Variants in CHLSN observed in about 807,000 individuals in gnomAD.
The protein encoded by CHLSN is protein cholesin.
chr7:997,571 T>TG, the CHLSN span: 5 of 1,402,674 alleles, frequency 3.6e-6, no homozygotes. Flanking sequence ...CTGCACCCTG[T>TG]GTGGTCTGAG....
the CHLSN span, among the ~76,000 whole-genome samples, chr7:1,057,300 C>A: frequency 6.6e-6 from 1 of 152,182 alleles, no homozygotes; most frequent in Non-Finnish European, 1.5e-5. Context: ...CCACAGCAGC[C>A]CCCGGTCACG....
At chr7:987,401 T>A in the CHLSN span, 1 of 1,595,100 alleles carries the variant, frequency 6.3e-7, no homozygotes, top group East Asian at 2.2e-5. Context: ...ACTCCCCGGC[T>A]GGAGGACCAG....
chr7:1,090,016 G>A, the CHLSN span, among the ~76,000 whole-genome samples: 55 of 151,796 alleles, frequency 3.6e-4, no homozygotes, highest in African/African-American at 1.3e-3. Context: ...CCCGGGAGGC[G>A]GCAGTTGCAG....
chr7:1,126,680 A>G, the CHLSN span, among the ~76,000 whole-genome samples: 1 of 152,154 alleles, frequency 6.6e-6, no homozygotes, highest in Admixed American at 6.6e-5. Context: ...GTGTCTCAAG[A>G]AAACGAAGAA....
the CHLSN span, chr7:986,447 C>A: frequency 1.5e-6 from 1 of 688,458 alleles, no homozygotes. Flanking sequence ...CAGGGGGTTT[C>A]CTGGCAGTTC....
the CHLSN span, among the ~76,000 whole-genome samples, chr7:1,136,389 CATATATATAAATATATATAAACAT>C: frequency 0.016 from 1,579 of 97,150 alleles, 139 homozygotes; most frequent in African/African-American, 0.054. Context: ...AATATATAAA[CATATATATAAATATATATAAACAT>C]ATATATAAAT....
At chr7:1,021,805 C>T in the CHLSN span, among the ~76,000 whole-genome samples, 4 of 152,244 alleles carry the variant, frequency 2.6e-5, no homozygotes, top group African/African-American at 9.6e-5. Context: ...ACCCGCCCAG[C>T]GAGAACTGTG....
the CHLSN span, among the ~76,000 whole-genome samples, chr7:1,087,601 T>C: frequency 6.6e-6 from 1 of 152,248 alleles, no homozygotes; most frequent in Non-Finnish European, 1.5e-5. Context: ...AGTGTCGGAC[T>C]GTGGGGCACT....
chr7:986,834 G>A, the CHLSN span: 1 of 1,476,590 alleles, frequency 6.8e-7, no homozygotes, highest in Non-Finnish European at 9.0e-7. Flanking sequence ...AAGGCCTGTA[G>A]GGGTCCTGAG....
chr7:1,081,087 C>A, the CHLSN span, among the ~76,000 whole-genome samples: 24 of 152,372 alleles, frequency 1.6e-4, no homozygotes, highest in African/African-American at 5.5e-4. Flanking sequence ...AGCACGCCCC[C>A]CACCCGGCAG....
chr7:1,062,422 T>G, the CHLSN span, among the ~76,000 whole-genome samples: 9 of 152,340 alleles, frequency 5.9e-5, no homozygotes, highest in South Asian at 1.7e-3. Context: ...GTAGTTCCTC[T>G]TTGCAGAAAT....
At chr7:1,058,857 T>TA in the CHLSN span, 2 of 255,242 alleles carry the variant, frequency 7.8e-6, no homozygotes, top group Non-Finnish European at 1.6e-5. Flanking sequence ...ACTTTGTGGT[T>TA]AAAATACTTG....
At chr7:1,002,466 A>G in the CHLSN span, among the ~76,000 whole-genome samples, 1 of 39,842 alleles carries the variant, frequency 2.5e-5, no homozygotes, top group Admixed American at 2.9e-4. Context: ...CCTGTGGGTG[A>G]GTGGAGTCCT....
At chr7:1,103,047 G>A in the CHLSN span, among the ~76,000 whole-genome samples, 3 of 152,230 alleles carry the variant, frequency 2.0e-5, no homozygotes, top group African/African-American at 7.2e-5. Context: ...ACATGTCTGA[G>A]AGCAGACCTC....
chr7:1,060,537 G>A, the CHLSN span, among the ~76,000 whole-genome samples: 5 of 152,166 alleles, frequency 3.3e-5, no homozygotes, highest in South Asian at 8.3e-4. Context: ...ACGTGGGGAC[G>A]TCACGCTCTG....
the CHLSN span, among the ~76,000 whole-genome samples, chr7:1,089,659 G>C: frequency 1.3e-3 from 201 of 150,770 alleles, 1 homozygote; most frequent in African/African-American, 4.5e-3. Context: ...CTGAACTTGA[G>C]CAATCCTCCC....
At chr7:1,110,620 C>A in the CHLSN span, among the ~76,000 whole-genome samples, 5,787 of 152,302 alleles carry the variant, frequency 0.038, 275 homozygotes, top group African/African-American at 0.11. Flanking sequence ...GACCGGGACA[C>A]GGGCCTCGCG....
chr7:1,055,078 CAG>C, the CHLSN span, among the ~76,000 whole-genome samples: 93 of 152,312 alleles, frequency 6.1e-4, 1 homozygote, highest in African/African-American at 2.0e-3. Flanking sequence ...GCGATGCAGA[CAG>C]GGGCCTGCGG....
the CHLSN span, among the ~76,000 whole-genome samples, chr7:1,079,628 G>A: frequency 2.0e-5 from 3 of 152,340 alleles, no homozygotes; most frequent in African/African-American, 7.2e-5. Context: ...CAATGTAGAC[G>A]TGTGACGGGA....
Sources: allele counts gnomAD v4.1 joint callset (sites outside exome capture counted in the v4.1 genomes callset), GRCh38; gene constraint gnomAD v4.1.1; transcripts MANE v1.5; gene names NCBI Gene and HGNC (gene_info 2026-07-23, HGNC 2026-07-21).